Variants in PTK2 observed in about 807,000 individuals in gnomAD.
The protein encoded by PTK2 is focal adhesion kinase 1.
A neutral mutation model predicts 150.1 loss-of-function variants in PTK2; 45 were observed. That is an observed-to-expected ratio of 0.30 (90% CI 0.24 to 0.38). The LOEUF is 0.38. PTK2 is among the 10% of genes least tolerant of loss of function. The pLI, the probability that PTK2 is intolerant of heterozygous loss-of-function variation, is 1.00. For synonymous variants in PTK2, 432 were observed against 449.2 expected (o/e 0.96, Z 0.48); for missense variants, 919 against 1,307.3 (o/e 0.70, Z 4.58).
intron 1 of PTK2, among the ~76,000 whole-genome samples, chr8:140,999,349 T>C (rs1036127727): frequency 6.6e-6 from 1 of 152,242 alleles, no homozygotes; most frequent in African/African-American, 2.4e-5. Context: ...TATTTGATAG[T>C]GACCTGAAAT....
At chr8:140,784,056 G>C (rs1566291952) in intron 14 of PTK2, among the ~76,000 whole-genome samples, 1 of 152,010 alleles carries the variant, frequency 6.6e-6, no homozygotes, top group Non-Finnish European at 1.5e-5. Context: ...CCACCTACTC[G>C]GGAGGCAGAG....
intron 4 of PTK2, chr8:140,879,133 T>TAATATA (rs567250604): frequency 1.8e-5 from 3 of 162,440 alleles, no homozygotes; most frequent in African/African-American, 7.2e-5. Context: ...GATGAAAACA[T>TAATATA]TATATATATA....
intron 22 of PTK2, among the ~76,000 whole-genome samples, chr8:140,726,968 C>T (rs896770578): frequency 6.6e-6 from 1 of 152,106 alleles, no homozygotes; most frequent in Non-Finnish European, 1.5e-5. Flanking sequence ...ATGGACATTC[C>T]TGCTGGCAAA....
At chr8:140,903,416 T>C (rs564853436) in intron 2 of PTK2, among the ~76,000 whole-genome samples, 2 of 152,306 alleles carry the variant, frequency 1.3e-5, no homozygotes, top group African/African-American at 4.8e-5. Context: ...CCTTGTAGGA[T>C]AGGTTGAAGT....
chr8:140,966,002 T>C (rs951869415), intron 1 of PTK2, among the ~76,000 whole-genome samples: 1 of 152,146 alleles, frequency 6.6e-6, no homozygotes, highest in African/African-American at 2.4e-5. Flanking sequence ...AAAGCTCCAG[T>C]TGGTTGCAGT....
intron 13 of PTK2, 83 bp from the exon 14 acceptor site, chr8:140,789,609 T>C: frequency 1.5e-6 from 2 of 1,370,118 alleles, no homozygotes; most frequent in South Asian, 1.3e-5. Flanking sequence ...GGGAACTGCC[T>C]TGGATGAGGA....
At chr8:140,707,764 A>G (rs2100034636) in intron 23 of PTK2, among the ~76,000 whole-genome samples, 1 of 152,218 alleles carries the variant, frequency 6.6e-6, no homozygotes, top group Non-Finnish European at 1.5e-5. Flanking sequence ...TAATAAAGCT[A>G]TTAAAGTATC....
chr8:140,758,609 A>G (rs2100067305), intron 16 of PTK2, among the ~76,000 whole-genome samples: 1 of 152,162 alleles, frequency 6.6e-6, no homozygotes, highest in South Asian at 2.1e-4. Flanking sequence ...AGCCTAATGT[A>G]TGTGTTTGTG....
chr8:140,923,914 C>T (rs963614255), intron 2 of PTK2, among the ~76,000 whole-genome samples: 1 of 151,998 alleles, frequency 6.6e-6, no homozygotes, highest in African/African-American at 2.4e-5. Flanking sequence ...CCAGCTCTCA[C>T]CGCCCTACAC....
chr8:140,738,905 G>T, intron 21 of PTK2, 113 bp downstream of exon 24: 2 of 554,000 alleles, frequency 3.6e-6, no homozygotes, highest in South Asian at 4.7e-5. Flanking sequence ...ATGAGGAGAT[G>T]ATCAGGTTAG....
At chr8:140,986,913 T>C (rs567820428) in intron 1 of PTK2, among the ~76,000 whole-genome samples, 20 of 152,248 alleles carry the variant, frequency 1.3e-4, no homozygotes, top group African/African-American at 4.8e-4. Context: ...CTAAAACTTC[T>C]AGGAGAAAAA....
At chr8:140,764,243 T>C (rs888527537) in exon 15 of PTK2, 2 of 1,609,540 alleles carry the variant, frequency 1.2e-6, no homozygotes, top group African/African-American at 1.3e-5. Context: ...CTTGAGGGCA[T>C]GGTGTAAGTA....
At chr8:140,735,381 G>T in exon 22 of PTK2, 1 of 1,614,014 alleles carries the variant, frequency 6.2e-7, no homozygotes, top group Admixed American at 1.7e-5. Context: ...TTTTCAATTC[G>T]ACCGATTACA....
At chr8:140,734,204 G>A (rs1335435716) in intron 22 of PTK2, among the ~76,000 whole-genome samples, 1 of 152,146 alleles carries the variant, frequency 6.6e-6, no homozygotes, top group Non-Finnish European at 1.5e-5. Context: ...AATACAGCAT[G>A]AAAAACAAAC....
At chr8:140,762,254 G>A in intron 15 of PTK2, 114 bp downstream of exon 18, 1 of 462,386 alleles carries the variant, frequency 2.2e-6, no homozygotes, top group Non-Finnish European at 2.9e-6. Context: ...AACAGTATAA[G>A]TAAACCAATG....
intron 7 of PTK2, among the ~76,000 whole-genome samples, chr8:140,838,807 C>T (rs924994625): frequency 1.3e-5 from 2 of 152,034 alleles, no homozygotes; most frequent in Non-Finnish European, 2.9e-5. Flanking sequence ...GAGATCGAGA[C>T]CATCCTGGCT....
At chr8:140,910,378 A>G (rs2100162635) in intron 2 of PTK2, among the ~76,000 whole-genome samples, 1 of 152,086 alleles carries the variant, frequency 6.6e-6, no homozygotes, top group Admixed American at 6.6e-5. Context: ...GTTTTTGGCC[A>G]ATATAAATTT....
chr8:140,739,051 G>A (rs1338390440), exon 21 of PTK2: 3 of 1,577,150 alleles, frequency 1.9e-6, no homozygotes, highest in Admixed American at 1.7e-5. Flanking sequence ...GAGGTAAAAC[G>A]TCGAAAATTG....
At position 140,915,017 on chromosome 8, in the gene PTK2, G is replaced by A. The variant is rs189658338; in HGVS notation, c.-33+10644C>T. On this transcript the variant is annotated intron_variant, in intron 2 of 31. Transcript: ENST00000522684. ...CATTGCACTCCAGCCTGGGCAACAA[G>A]AACGAAACTCCAACTCAAAAAAAAA... 9.7e-3 allele frequency among the ~76,000 whole-genome samples: 722 copies of A among 74,448 alleles called. 7 individuals carry two copies. Among genetic ancestry groups the A allele is most frequent in the Middle Eastern group, 0.045 (3 of 66 alleles). 48.8% of individuals were successfully genotyped at this position (74,448 alleles called of 152,430 possible).
Sources: gnomAD v4.1 joint callset for allele counts (sites outside exome capture counted in the v4.1 genomes callset) on GRCh38, gnomAD v4.1.1 for gene constraint, MANE v1.5 for transcripts, NCBI Gene and HGNC (gene_info 2026-07-23, HGNC 2026-07-21) for gene names.